RPP30: variants seen among roughly 807,000 people sequenced by gnomAD.
RPP30 encodes ribonuclease P/MRP subunit p30.
Under a neutral mutation model 38.6 loss-of-function variants are expected in RPP30, and 36 were observed. That is an observed-to-expected ratio of 0.93 (90% confidence interval 0.71 to 1.23). The LOEUF (loss-of-function observed/expected upper bound fraction) is 1.23, where lower values mean the gene tolerates loss of function less well. Ranked by LOEUF, RPP30 falls within the 50% of genes most tolerant of loss-of-function variation. The pLI, the probability that RPP30 is intolerant of heterozygous loss-of-function variation, is 0.00. For synonymous variants in RPP30, 126 were observed against 112.7 expected (o/e 1.12, Z -0.75); for missense variants, 321 against 321.7 (o/e 1.00, Z 0.02).
intron 6 of RPP30, among the ~76,000 whole-genome samples, chr10:90,888,694 A>G (rs1293442803): frequency 6.6e-6 from 1 of 152,192 alleles, no homozygotes; most frequent in African/African-American, 2.4e-5. Flanking sequence ...CACTCAAGAC[A>G]GTTGACACCA....
At chr10:90,896,670 T>C (rs1847142433) in intron 10 of RPP30, among the ~76,000 whole-genome samples, 1 of 152,166 alleles carries the variant, frequency 6.6e-6, no homozygotes, top group South Asian at 2.1e-4. Context: ...AGGCTTCTAA[T>C]CTCCCTTCCT....
At chr10:90,881,168 A>C (rs1279057676) in intron 5 of RPP30, among the ~76,000 whole-genome samples, 1 of 152,260 alleles carries the variant, frequency 6.6e-6, no homozygotes, top group African/African-American at 2.4e-5. Context: ...GAGAAACAAA[A>C]GAAGGTATAC....
At chr10:90,904,251 G>A (rs1783778594), downstream of RPP30, among the ~76,000 whole-genome samples, 1 of 152,220 alleles carries the variant, frequency 6.6e-6, no homozygotes, top group Non-Finnish European at 1.5e-5. Flanking sequence ...AGAAATGATG[G>A]ATTGATTGTT....
chr10:90,875,680 T>C, intron 3 of RPP30, 66 bp downstream of exon 3: 1 of 1,356,962 alleles, frequency 7.4e-7, no homozygotes, highest in Admixed American at 1.7e-5. Context: ...CTAATTATTG[T>C]GCTATTCTCT....
chr10:90,900,709 CCTT>C lies in RPP30; in HGVS notation c.*35_*37del. ...AATGCCCCAGTCTCTGTCAGCACTC[CCTT>C]CTTCCCTTTTATAGTTCATCAGCCA... is the stretch of plus-strand genomic sequence containing the variant. On this transcript the variant is annotated 3_prime_UTR_variant, in exon 11 of 11. Transcript: ENST00000371703. 1 of 1,597,178 alleles carries C rather than the reference CCTT, an allele frequency of 6.3e-7. No homozygotes were observed. The highest frequency in any genetic ancestry group is 8.5e-7 in the Non-Finnish European group (1 of 1,173,936).
At position 90,896,517 on chromosome 10, in the gene RPP30, C is replaced by G. The variant is rs578016881; in HGVS notation, c.697+125C>G. 7.4e-6 allele frequency: 5 copies of G among 671,238 alleles called. No individual in the cohort carries two copies. In the Admixed American group the frequency reaches 7.5e-5, roughly 10 times the overall value. The allele number at this position is 671,238 out of a possible 1,614,324, so 41.6% of individuals were successfully genotyped here. ...TGGGATCATCTTTTCTCAACCTGTTCTAAACACAGTCATCAGTGTTTTCTC... is the reference window on the plus strand; with the variant it reads ...TGGGATCATCTTTTCTCAACCTGTTGTAAACACAGTCATCAGTGTTTTCTC... On this transcript the variant is annotated intron_variant, in intron 10 of 10. Coordinates refer to ENST00000371703, the MANE Select transcript of RPP30 (RefSeq NM_006413.5).
At chr10:90,872,262 T>C (rs1846788351) in intron 1 of RPP30, 194 bp downstream of exon 1, 3 of 598,534 alleles carry the variant, frequency 5.0e-6, no homozygotes, top group African/African-American at 1.9e-5. Context: ...GGGGTTGTTA[T>C]CTGGTTCAGC....
At chr10:90,895,428 AAT>A (rs756768951) in intron 7 of RPP30, 24 bp from the exon 8 acceptor site, 7 of 1,263,492 alleles carry the variant, frequency 5.5e-6, no homozygotes, top group Non-Finnish European at 7.6e-6. Flanking sequence ...ATCTAAGATT[AAT>A]ATTAGTCACT....
intron 4 of RPP30, among the ~76,000 whole-genome samples, chr10:90,877,858 G>A (rs547068071): frequency 6.6e-6 from 1 of 152,288 alleles, no homozygotes; most frequent in South Asian, 2.1e-4. Context: ...CTACTATCAG[G>A]GGAGAGAGAA....
intron 6 of RPP30, among the ~76,000 whole-genome samples, chr10:90,894,546 G>A (rs1220935950): frequency 6.6e-6 from 1 of 152,172 alleles, no homozygotes; most frequent in South Asian, 2.1e-4. Context: ...TGTAAAGTCA[G>A]CTTCCCCACA....
At chr10:90,872,705 T>C (rs1192764190) in intron 1 of RPP30, among the ~76,000 whole-genome samples, 1 of 152,192 alleles carries the variant, frequency 6.6e-6, no homozygotes, top group East Asian at 1.9e-4. Context: ...AATAGAGAGA[T>C]TAAAAAGAAT....
intron 6 of RPP30, among the ~76,000 whole-genome samples, chr10:90,889,776 C>T (rs1340042622): frequency 1.3e-5 from 2 of 152,168 alleles, no homozygotes; most frequent in Admixed American, 6.5e-5. Context: ...CATTTGTGTA[C>T]TTTGCAGCTC....
intron 5 of RPP30, among the ~76,000 whole-genome samples, chr10:90,883,751 T>G (rs576533774): frequency 1.3e-5 from 2 of 152,300 alleles, no homozygotes; most frequent in South Asian, 2.1e-4. Context: ...AACAGGCTTT[T>G]AAAGAATTAA....
At position 90,902,142 on chromosome 10, in the gene RPP30, A is replaced by G. The variant is rs988483302; in HGVS notation, c.*1463A>G. 5 of 989,770 alleles carry G rather than the reference A, an allele frequency of 5.1e-6. No homozygotes were observed. Among genetic ancestry groups the G allele is most frequent in the Non-Finnish European group, 6.0e-6 (5 of 830,376 alleles). The allele number at this position is 989,770 out of a possible 1,614,324, so 61.3% of individuals were successfully genotyped here. On this transcript the variant is annotated 3_prime_UTR_variant, in exon 11 of 11. Transcript: ENST00000371703. ...AAGAGAAAGCTTTATAACCTCACCA[A>G]TGAATACAAATGTTTAAATAAAATA... is the stretch of plus-strand genomic sequence containing the variant.
rs1165596715 is a variant in RPP30 at position 90,885,913 on chromosome 10, T to G, written c.432+12T>G. 2.0e-6 allele frequency: 3 copies of G among 1,492,892 alleles called. No individual in the cohort carries two copies. Among genetic ancestry groups the G allele is most frequent in the Non-Finnish European group, 2.8e-6 (3 of 1,082,320 alleles). 92.5% of individuals were successfully genotyped at this position (1,492,892 alleles called of 1,614,324 possible). ...CTCCTATTAATGTGGTAAGTGTACT[T>G]TCCATTCTGTATTTGAATCTTAGAA... On this transcript the variant is annotated intron_variant, in intron 6 of 10. Transcript: ENST00000371703.
chr10:90,879,040 T>C, intron 4 of RPP30, 23 bp from the exon 5 acceptor site: 1 of 1,601,624 alleles, frequency 6.2e-7, no homozygotes, highest in South Asian at 1.1e-5. Context: ...TATTGTATGA[T>C]AACATTCTTT....
Position 90,874,911 on chromosome 10 carries a change from A to G in RPP30, c.125A>G (p.Lys42Arg), listed in dbSNP as rs769816176. 1.3e-6 allele frequency: 2 copies of G among 1,583,882 alleles called. No homozygotes were observed. Among genetic ancestry groups the G allele is most frequent in the South Asian group, 1.1e-5 (1 of 87,426 alleles). ...GCTATCAATCATATCGTTGACTTTA[A>G]GGAAAAGAAACAGGTAAAATAATAT... ...VVAINHIVDF[K>R]EKKQEIEKPV... Residue 42 changes from lysine (K) to arginine (R), a missense_variant, in exon 2 of 11, where the codon AAG becomes AGG. By Grantham distance (26) the Lys-to-Arg change is conservative. Coordinates refer to ENST00000371703, the MANE Select transcript of RPP30 (RefSeq NM_006413.5).
At chr10:90,895,110 T>C in intron 7 of RPP30, 1 of 591,136 alleles carries the variant, frequency 1.7e-6, no homozygotes, top group Non-Finnish European at 3.0e-6. Flanking sequence ...AAGCCATATC[T>C]TTTGATAAAA....
chr10:90,885,924 A>G (rs756303292), intron 6 of RPP30, 23 bp downstream of exon 6: 2 of 1,431,628 alleles, frequency 1.4e-6, no homozygotes, highest in Non-Finnish European at 1.9e-6. Context: ...TCCATTCTGT[A>G]TTTGAATCTT....
Sources: gnomAD v4.1 joint callset for allele counts (sites outside exome capture counted in the v4.1 genomes callset) on GRCh38, gnomAD v4.1.1 for gene constraint, MANE v1.5 for transcripts, NCBI Gene and HGNC (gene_info 2026-07-23, HGNC 2026-07-21) for gene names.